The following GABRG3 variants were observed in gnomAD, a reference collection of about 807,000 sequenced individuals.
GABRG3 encodes the protein gamma-aminobutyric acid receptor subunit gamma-3.
A neutral mutation model predicts 48.8 loss-of-function variants in GABRG3; 25 were observed. The ratio of observed to expected loss-of-function variants is 0.51; its 90% confidence interval spans 0.37 to 0.72. The LOEUF (loss-of-function observed/expected upper bound fraction) is 0.72. Among genes scored for constraint, GABRG3 ranks in the 30% least tolerant of loss-of-function variants. GABRG3 has a pLI of 0.00. For missense variants in GABRG3, 394 were observed against 577.9 expected, an observed-to-expected ratio of 0.68 and a Z score of 3.26; for synonymous variants, 227 against 217.6, an observed-to-expected ratio of 1.04 and a Z score of -0.38.
At chr15:27,347,442 A>G (rs751955057) in intron 5 of GABRG3, among the ~76,000 whole-genome samples, 21 of 151,930 alleles carry the variant, frequency 1.4e-4, no homozygotes, top group Non-Finnish European at 2.6e-4. Context: ...CCCCCAGTCT[A>G]TTTCCTAGAA....
At chr15:27,410,833 C>G (rs1344917016) in intron 5 of GABRG3, among the ~76,000 whole-genome samples, 2 of 142,134 alleles carry the variant, frequency 1.4e-5, no homozygotes, top group East Asian at 4.3e-4. Flanking sequence ...AGAGAGCACA[C>G]GTGCGCACGC....
Position 27,204,930 on chromosome 15 carries a change from C to T in GABRG3, c.271-121879C>T, listed in dbSNP as rs1249726185. ...TTGGTGAAGTTGTTTATTGGATCTA[C>T]GAGTCTTTGGGCAGAAACGATGGCA... On this transcript the variant is annotated intron_variant, in intron 3 of 9. Coordinates refer to ENST00000615808, the MANE Select transcript of GABRG3 (RefSeq NM_033223.5). Among the ~76,000 whole-genome samples, 111 of 151,940 alleles carry T rather than the reference C, an allele frequency of 7.3e-4. 1 individual carries two copies. Among genetic ancestry groups the T allele is most frequent in the Non-Finnish European group, 1.6e-4 (11 of 67,908 alleles).
chr15:27,032,748 T>A (rs1896106765), intron 3 of GABRG3, among the ~76,000 whole-genome samples: 1 of 152,298 alleles, frequency 6.6e-6, no homozygotes, highest in South Asian at 2.1e-4. Context: ...CATTTTAACA[T>A]GAGATTTGGA....
intron 3 of GABRG3, among the ~76,000 whole-genome samples, chr15:27,115,153 T>C (rs1233945171): frequency 6.6e-6 from 1 of 152,086 alleles, no homozygotes; most frequent in African/African-American, 2.4e-5. Flanking sequence ...TCACTAATGG[T>C]GGCAGTTAGG....
intron 5 of GABRG3, among the ~76,000 whole-genome samples, chr15:27,443,644 C>G (rs1338557598): frequency 6.6e-6 from 1 of 152,102 alleles, no homozygotes; most frequent in Non-Finnish European, 1.5e-5. Flanking sequence ...TATTTCTTCT[C>G]CTTGTCTGAT....
chr15:27,061,120 TTTC>T (rs1194517619), intron 3 of GABRG3, among the ~76,000 whole-genome samples: 2 of 152,250 alleles, frequency 1.3e-5, no homozygotes, highest in African/African-American at 4.8e-5. Context: ...TGTTTAATAT[TTTC>T]TTCTCCCAAT....
intron 5 of GABRG3, among the ~76,000 whole-genome samples, chr15:27,454,375 G>T (rs1403037727): frequency 1.3e-5 from 2 of 152,174 alleles, no homozygotes; most frequent in Non-Finnish European, 2.9e-5. Flanking sequence ...GCTGTCCTGG[G>T]AGATTTGATA....
At chr15:27,115,503 A>G (rs950561366) in intron 3 of GABRG3, among the ~76,000 whole-genome samples, 17 of 152,298 alleles carry the variant, frequency 1.1e-4, no homozygotes, top group African/African-American at 3.8e-4. Flanking sequence ...TTTCTCATCA[A>G]TAAACAATGC....
chr15:27,096,578 G>T (rs1416862730), intron 3 of GABRG3, among the ~76,000 whole-genome samples: 1 of 152,196 alleles, frequency 6.6e-6, no homozygotes, highest in Non-Finnish European at 1.5e-5. Flanking sequence ...CAGTAGCTCT[G>T]TGTATACATT....
intron 3 of GABRG3, among the ~76,000 whole-genome samples, chr15:27,282,816 G>C (rs1213145322): frequency 6.6e-6 from 1 of 152,060 alleles, no homozygotes; most frequent in Non-Finnish European, 1.5e-5. Context: ...ATTTTATCCT[G>C]AGTATTATGC....
chr15:27,193,961 G>C (rs993084917), intron 3 of GABRG3, among the ~76,000 whole-genome samples: 4 of 152,152 alleles, frequency 2.6e-5, no homozygotes, highest in African/African-American at 7.2e-5. Context: ...TATAATGTTT[G>C]TTTTCTCTGT....
chr15:27,264,930 A>C (rs576084809), intron 3 of GABRG3, among the ~76,000 whole-genome samples: 1 of 152,216 alleles, frequency 6.6e-6, no homozygotes, highest in South Asian at 2.1e-4. Context: ...AATTTAAAAA[A>C]ACAAAAACAA....
At chr15:27,504,935 T>C (rs2150855949) in intron 6 of GABRG3, among the ~76,000 whole-genome samples, 1 of 152,332 alleles carries the variant, frequency 6.6e-6, no homozygotes, top group South Asian at 2.1e-4. Flanking sequence ...TTTCCCTTCA[T>C]GTTAATATTT....
chr15:27,109,583 T>C (rs951236561), intron 3 of GABRG3, among the ~76,000 whole-genome samples: 1 of 152,204 alleles, frequency 6.6e-6, no homozygotes, highest in Non-Finnish European at 1.5e-5. Context: ...AGTTGTCATA[T>C]TTAAAATGGT....
At chr15:26,985,616 T>C (rs910164566) in intron 2 of GABRG3, among the ~76,000 whole-genome samples, 2 of 151,740 alleles carry the variant, frequency 1.3e-5, no homozygotes, top group African/African-American at 4.8e-5. Context: ...TCCAAGAGGA[T>C]TGGATTAGCC....
At chr15:27,054,578 G>T (rs17647963) in intron 3 of GABRG3, among the ~76,000 whole-genome samples, 1 of 152,044 alleles carries the variant, frequency 6.6e-6, no homozygotes, top group Non-Finnish European at 1.5e-5. Context: ...CAAGAAAGGC[G>T]GAAATGCATC....
At chr15:27,375,035 A>T (rs1895547860) in intron 5 of GABRG3, among the ~76,000 whole-genome samples, 1 of 152,020 alleles carries the variant, frequency 6.6e-6, no homozygotes, top group Non-Finnish European at 1.5e-5. Context: ...AAAGGTGGAT[A>T]ATTTTGGGGG....
intron 3 of GABRG3, among the ~76,000 whole-genome samples, chr15:27,123,476 C>T (rs1450797326): frequency 6.6e-6 from 1 of 152,228 alleles, no homozygotes; most frequent in Non-Finnish European, 1.5e-5. Context: ...CTATGAGGAA[C>T]AGGCCTTCGC....
At chr15:27,508,020 A>AT (rs1368015919) in intron 6 of GABRG3, among the ~76,000 whole-genome samples, 1 of 152,156 alleles carries the variant, frequency 6.6e-6, no homozygotes. Flanking sequence ...TCCTTTCTCT[A>AT]TTTTTTAACT....
Sources: allele counts gnomAD v4.1 joint callset (sites outside exome capture counted in the v4.1 genomes callset), GRCh38; gene constraint gnomAD v4.1.1; transcripts MANE v1.5; gene names NCBI Gene and HGNC (gene_info 2026-07-23, HGNC 2026-07-21).